The following ANKRD45 variants were observed in gnomAD, a reference collection of about 807,000 sequenced individuals.
ANKRD45 encodes the protein ankyrin repeat domain 45.
In ANKRD45, 21 loss-of-function variants were observed where a neutral mutation model predicts 28.1. The observed-to-expected ratio is 0.75, with a 90% CI of 0.53 to 1.08. ANKRD45 has a LOEUF of 1.08. Among genes scored for constraint, ANKRD45 ranks in the 50% least tolerant of loss-of-function variants. The pLI is 0.00. For synonymous variants in ANKRD45, 86 were observed against 103.9 expected (o/e 0.83, Z 1.05); for missense variants, 261 against 308.7 (o/e 0.85, Z 1.16).
the ANKRD45 span, among the ~76,000 whole-genome samples, chr1:173,704,127 C>A: frequency 6.6e-6 from 1 of 152,180 alleles, no homozygotes; most frequent in Admixed American, 6.5e-5. Flanking sequence ...CAACTTCAAG[C>A]AAGGAAGGAG....
intron 5 of ANKRD45, among the ~76,000 whole-genome samples, chr1:173,614,902 C>T (rs1015234405): frequency 6.6e-6 from 1 of 152,064 alleles, no homozygotes; most frequent in African/African-American, 2.4e-5. Context: ...CTGCATCCTC[C>T]ACCTCCCGGA....
At chr1:173,688,310 GTCTC>G in the ANKRD45 span, among the ~76,000 whole-genome samples, 1 of 151,078 alleles carries the variant, frequency 6.6e-6, no homozygotes, top group South Asian at 2.1e-4. Context: ...CTGACTTTCT[GTCTC>G]TCTTTCTCTC....
chr1:173,683,373 A>C, the ANKRD45 span, among the ~76,000 whole-genome samples: 1 of 152,182 alleles, frequency 6.6e-6, no homozygotes, highest in African/African-American at 2.4e-5. Context: ...ACCTATCTCC[A>C]TCATCATGGA....
chr1:173,657,783 T>G (rs1669610935), intron 2 of ANKRD45: 1 of 151,824 alleles, frequency 6.6e-6, no homozygotes, highest in African/African-American at 2.4e-5. Flanking sequence ...TTCTTTATTT[T>G]CAATGTCATT....
the ANKRD45 span, among the ~76,000 whole-genome samples, chr1:173,680,965 T>TGGGG: frequency 1.6e-4 from 1 of 6,270 alleles, no homozygotes; most frequent in Non-Finnish European, 3.3e-4. Flanking sequence ...GGCCTGATGG[T>TGGGG]GGGTGGGGGG....
chr1:173,712,655 A>C, the ANKRD45 span, among the ~76,000 whole-genome samples: 3 of 152,234 alleles, frequency 2.0e-5, no homozygotes, highest in East Asian at 1.9e-4. Context: ...AGGTGTACAC[A>C]AGGAGGTATA....
chr1:173,638,324 C>A (rs893753758), intron 3 of ANKRD45, among the ~76,000 whole-genome samples: 11 of 152,120 alleles, frequency 7.2e-5, no homozygotes, highest in Non-Finnish European at 1.6e-4. Flanking sequence ...GGGGATTGAG[C>A]CTTGCCGGGA....
At chr1:173,655,587 C>G (rs149184728) in intron 2 of ANKRD45, among the ~76,000 whole-genome samples, 1 of 152,160 alleles carries the variant, frequency 6.6e-6, no homozygotes, top group Non-Finnish European at 1.5e-5. Flanking sequence ...GCAGTGTGTC[C>G]GTTCTCAGAG....
At chr1:173,613,102 T>C (rs537393022) in intron 5 of ANKRD45, among the ~76,000 whole-genome samples, 1 of 148,508 alleles carries the variant, frequency 6.7e-6, no homozygotes, top group East Asian at 2.0e-4. Flanking sequence ...GTCTGGGAAG[T>C]GAAGAGCGCC....
the ANKRD45 span, among the ~76,000 whole-genome samples, chr1:173,693,259 A>G: frequency 6.6e-6 from 1 of 152,128 alleles, no homozygotes; most frequent in Non-Finnish European, 1.5e-5. Flanking sequence ...ATGCCATTGC[A>G]CTTCAGCCCA....
intron 3 of ANKRD45, among the ~76,000 whole-genome samples, chr1:173,640,599 A>C (rs766889060): frequency 7.2e-5 from 11 of 152,188 alleles, no homozygotes; most frequent in Non-Finnish European, 1.5e-4. Context: ...TTATTAATGT[A>C]ACTAAGTCTG....
intron 5 of ANKRD45, 51 bp from the exon 6 acceptor site, chr1:173,610,266 A>G: frequency 6.5e-7 from 1 of 1,549,176 alleles, no homozygotes; most frequent in Admixed American, 1.7e-5. Flanking sequence ...GCAATATGAA[A>G]CAAAATGAAG....
the ANKRD45 span, among the ~76,000 whole-genome samples, chr1:173,694,257 G>A: frequency 1.8e-4 from 27 of 151,998 alleles, 2 homozygotes; most frequent in East Asian, 4.5e-3. Context: ...TCCGCCTCCC[G>A]GGTTCAAGCA....
At chr1:173,665,929 G>A (rs776928599) in intron 1 of ANKRD45, among the ~76,000 whole-genome samples, 1 of 151,996 alleles carries the variant, frequency 6.6e-6, no homozygotes, top group African/African-American at 2.4e-5. Context: ...TGAGAGAATC[G>A]CTTGAGCTCA....
the ANKRD45 span, among the ~76,000 whole-genome samples, chr1:173,702,089 G>T: frequency 6.6e-6 from 1 of 152,148 alleles, no homozygotes; most frequent in African/African-American, 2.4e-5. Flanking sequence ...TATGGTTGGG[G>T]CAGAGGCAAG....
chr1:173,665,340 T>G (rs1669961465), intron 1 of ANKRD45, among the ~76,000 whole-genome samples: 1 of 152,068 alleles, frequency 6.6e-6, no homozygotes, highest in East Asian at 1.9e-4. Context: ...CACACCCAGC[T>G]CTTCTTCTTT....
the ANKRD45 span, among the ~76,000 whole-genome samples, chr1:173,696,899 A>T: frequency 2.0e-5 from 3 of 152,204 alleles, no homozygotes; most frequent in Admixed American, 6.5e-5. Context: ...AACCCACAAC[A>T]AGGAAGCTAA....
chr1:173,654,822 T>C (rs183570707), intron 2 of ANKRD45, among the ~76,000 whole-genome samples: 90 of 152,298 alleles, frequency 5.9e-4, no homozygotes, highest in Non-Finnish European at 1.3e-4. Flanking sequence ...TCTAATTTTG[T>C]CCTCTCACTT....
At chr1:173,635,019 T>C (rs559588301) in intron 3 of ANKRD45, among the ~76,000 whole-genome samples, 6 of 152,166 alleles carry the variant, frequency 3.9e-5, no homozygotes, top group Admixed American at 1.3e-4. Context: ...AATGTAAAAC[T>C]GCAGTGCTTC....
Sources: allele counts gnomAD v4.1 joint callset (sites outside exome capture counted in the v4.1 genomes callset), GRCh38; gene constraint gnomAD v4.1.1; transcripts MANE v1.5; gene names NCBI Gene and HGNC (gene_info 2026-07-23, HGNC 2026-07-21).